CCDC141: variants seen among roughly 807,000 people sequenced by gnomAD.
CCDC141 encodes the protein coiled-coil domain containing 141.
A neutral mutation model predicts 181.0 loss-of-function variants in CCDC141; 168 were observed. The ratio of observed to expected loss-of-function variants is 0.93; its 90% CI spans 0.82 to 1.05. The LOEUF (loss-of-function observed/expected upper bound fraction) is 1.05. Among genes scored for constraint, CCDC141 ranks in the 50% least tolerant of loss-of-function variants. The probability of loss-of-function intolerance (pLI) is 0.00; values close to 1 mark genes in which losing one functional copy is unlikely to be tolerated. For missense variants in CCDC141, 1,902 were observed against 1,788.5 expected (o/e 1.06, Z -1.14); for synonymous variants, 666 against 642.3 (o/e 1.04, Z -0.56).
intron 4 of CCDC141, among the ~76,000 whole-genome samples, chr2:178,964,361 C>T (rs1690533840): frequency 6.6e-6 from 1 of 152,178 alleles, no homozygotes; most frequent in Non-Finnish European, 1.5e-5. Context: ...ACACATTAGA[C>T]TTTGCAAATG....
At chr2:178,989,593 C>CAA (rs1204459331) in intron 2 of CCDC141, among the ~76,000 whole-genome samples, 1 of 76,588 alleles carries the variant, frequency 1.3e-5, no homozygotes, top group African/African-American at 4.8e-5. Context: ...GACCCTGCCT[C>CAA]AAAAAAAAAA....
chr2:178,978,413 A>C, intron 3 of CCDC141, 71 bp downstream of exon 3: 3 of 1,030,812 alleles, frequency 2.9e-6, no homozygotes, highest in Non-Finnish European at 3.9e-6. Context: ...TTTGTGAAAA[A>C]ATAAACATTT....
chr2:179,047,170 T>A (rs1233515801), intron 2 of CCDC141, 114 bp downstream of exon 2: 1 of 811,510 alleles, frequency 1.2e-6, no homozygotes, highest in African/African-American at 1.8e-5. Flanking sequence ...ATTATCTACC[T>A]GGTACCATAT....
intron 5 of CCDC141, among the ~76,000 whole-genome samples, chr2:178,956,713 A>C (rs950498728): frequency 6.6e-6 from 1 of 152,202 alleles, no homozygotes; most frequent in Non-Finnish European, 1.5e-5. Flanking sequence ...AAGTGCTGTT[A>C]GGAACGGAAT....
chr2:178,855,602 T>C, intron 18 of CCDC141, 61 bp from the exon 19 acceptor site: 1 of 1,156,076 alleles, frequency 8.6e-7, no homozygotes, highest in East Asian at 2.7e-5. Flanking sequence ...ATGCTAGTGA[T>C]TAAATACTGA....
At chr2:178,918,373 A>G (rs983777268) in intron 7 of CCDC141, among the ~76,000 whole-genome samples, 3 of 152,060 alleles carry the variant, frequency 2.0e-5, no homozygotes, top group African/African-American at 7.3e-5. Context: ...ACGCCACTAC[A>G]CTCCAGCCAG....
intron 2 of CCDC141, among the ~76,000 whole-genome samples, chr2:179,038,144 A>G (rs1326349585): frequency 6.6e-6 from 1 of 152,230 alleles, no homozygotes; most frequent in Non-Finnish European, 1.5e-5. Flanking sequence ...AATAAACAAA[A>G]TGTAGCATGT....
chr2:179,026,579 GT>G (rs2042851795), intron 2 of CCDC141, among the ~76,000 whole-genome samples: 1 of 152,232 alleles, frequency 6.6e-6, no homozygotes, highest in Non-Finnish European at 1.5e-5. Flanking sequence ...GAAGGGAAAT[GT>G]GGGGTCAGAG....
Position 178,933,751 on chromosome 2 carries a change from T to A in CCDC141, c.897+10784A>T, listed in dbSNP as rs147535074. On this transcript the variant is annotated intron_variant, in intron 6 of 23. Coordinates refer to ENST00000443758, the MANE Select transcript of CCDC141 (RefSeq NM_173648.4). ...ATGATATTTCATTGCCCATCTGGTCTCAAATCCAAATGCTTACAGCAGCCA... is the reference window on the plus strand; with the variant it reads ...ATGATATTTCATTGCCCATCTGGTCACAAATCCAAATGCTTACAGCAGCCA... Among the ~76,000 whole-genome samples the A allele has an allele frequency of 1.8e-3, 271 of 152,316 alleles. 5 individuals are homozygous for A. In the South Asian group the frequency reaches 0.023, roughly 13 times the overall value.
intron 2 of CCDC141, among the ~76,000 whole-genome samples, chr2:178,988,883 G>A (rs1164278570): frequency 6.6e-6 from 1 of 152,120 alleles, no homozygotes; most frequent in Non-Finnish European, 1.5e-5. Flanking sequence ...CAACAATGGT[G>A]TCAGGACCAT....
At chr2:178,974,559 T>C (rs1691040080) in intron 4 of CCDC141, among the ~76,000 whole-genome samples, 1 of 152,196 alleles carries the variant, frequency 6.6e-6, no homozygotes, top group African/African-American at 2.4e-5. Flanking sequence ...GTAGAGTGTT[T>C]TATTAGATTT....
intron 2 of CCDC141, among the ~76,000 whole-genome samples, chr2:178,979,604 AAAG>A (rs1163810848): frequency 1.3e-5 from 2 of 152,190 alleles, no homozygotes; most frequent in Non-Finnish European, 2.9e-5. Flanking sequence ...GTATCCCTAA[AAAG>A]AAATACTTTT....
chr2:178,984,174 GA>G (rs1691590854), intron 2 of CCDC141, among the ~76,000 whole-genome samples: 1 of 151,742 alleles, frequency 6.6e-6, no homozygotes. Context: ...CATTCTTAAA[GA>G]AAAGAATTTT....
intron 2 of CCDC141, among the ~76,000 whole-genome samples, chr2:179,020,599 C>G (rs1456759498): frequency 6.6e-6 from 1 of 152,156 alleles, no homozygotes; most frequent in Non-Finnish European, 1.5e-5. Flanking sequence ...TGAGTCCCAG[C>G]TCAGCCAGTT....
rs536983680 is a variant in CCDC141, at chr2:179,049,716, A to G, written c.102+124T>C. The G allele has an allele frequency of 1.8e-5, 18 of 990,240 alleles. No individual in the cohort carries two copies. In the South Asian group the frequency reaches 3.1e-4, roughly 17 times the overall value. 61.3% of individuals were successfully genotyped at this position (990,240 alleles called of 1,614,324 possible). A position where few individuals can be genotyped will look rare whatever the true frequency, so the allele number is the denominator to read the frequency against. On this transcript the variant is annotated intron_variant, in intron 1 of 23. Transcript: ENST00000443758. The stretch of plus-strand genomic sequence containing the variant: ...TAGTAGCCCATTTTAGAAAGCAGTA[A>G]GAGTGCTTGCTGCGTTGTCTTCTCT...
At chr2:178,828,165 A>G (rs16866550), downstream of CCDC141, among the ~76,000 whole-genome samples, 683 of 152,052 alleles carry the variant, frequency 4.5e-3, 9 homozygotes, top group African/African-American at 0.016. Flanking sequence ...TGGGTAACAA[A>G]AATTGTCATG....
chr2:179,049,764 T>A, intron 1 of CCDC141, 76 bp downstream of exon 1: 1 of 1,480,884 alleles, frequency 6.8e-7, no homozygotes, highest in Non-Finnish European at 9.2e-7. Context: ...GCCGATTGCA[T>A]GGAATGTTCT....
intron 2 of CCDC141, among the ~76,000 whole-genome samples, chr2:179,046,124 A>G (rs957953897): frequency 3.9e-5 from 6 of 152,274 alleles, no homozygotes. Context: ...GTAATATTAA[A>G]GTACTAAAAA....
At chr2:179,043,716 A>G (rs2043389721) in intron 2 of CCDC141, among the ~76,000 whole-genome samples, 1 of 152,216 alleles carries the variant, frequency 6.6e-6, no homozygotes, top group Admixed American at 6.5e-5. Context: ...CGCATCCAGT[A>G]TTATACTGAA....
Sources: gnomAD v4.1 joint callset for allele counts (sites outside exome capture counted in the v4.1 genomes callset) on GRCh38, gnomAD v4.1.1 for gene constraint, MANE v1.5 for transcripts, NCBI Gene and HGNC (gene_info 2026-07-23, HGNC 2026-07-21) for gene names.